TPRG1: variants seen among roughly 807,000 people sequenced by gnomAD.
The protein encoded by TPRG1 is tumor protein p63 regulated 1, also known as tumor protein p63-regulated gene 1 protein.
TPRG1 carries 29 observed loss-of-function variants against 29.3 expected under a neutral mutation model. The ratio of observed to expected loss-of-function variants is 0.99; its 90% confidence interval spans 0.74 to 1.35. TPRG1 has a LOEUF of 1.35. TPRG1 is among the 40% of genes most tolerant of loss of function. The probability of loss-of-function intolerance (pLI) is 0.00; values close to 1 mark genes in which losing one functional copy is unlikely to be tolerated. For missense variants in TPRG1, 327 were observed against 335.0 expected, an observed-to-expected ratio of 0.98 and a Z score of 0.19; for synonymous variants, 130 against 116.8, an observed-to-expected ratio of 1.11 and a Z score of -0.73.
At chr3:189,302,998 A>C (rs1721074029) in intron 4 of TPRG1, among the ~76,000 whole-genome samples, 1 of 152,222 alleles carries the variant, frequency 6.6e-6, no homozygotes, top group African/African-American at 2.4e-5. Context: ...CTTAGCAGTC[A>C]AGAATCTTTT....
chr3:189,316,668 A>G (rs1723584659), intron 5 of TPRG1, among the ~76,000 whole-genome samples: 1 of 152,178 alleles, frequency 6.6e-6, no homozygotes, highest in Non-Finnish European at 1.5e-5. Flanking sequence ...CCCTGTCCCC[A>G]CCACGCACAC....
chr3:189,097,780 G>A (rs1718780106), upstream of TPRG1, among the ~76,000 whole-genome samples: 1 of 152,142 alleles, frequency 6.6e-6, no homozygotes, highest in Non-Finnish European at 1.5e-5. Context: ...AGGAAAAGTG[G>A]CAAATAATAG....
chr3:189,118,580 T>C (rs746772179), intron 1 of TPRG1, among the ~76,000 whole-genome samples: 7 of 152,096 alleles, frequency 4.6e-5, no homozygotes, highest in Non-Finnish European at 8.8e-5. Flanking sequence ...TTGTGTAGCC[T>C]GGGCCCAGGG....
chr3:189,042,106 TC>T (rs1714669536), intron 4 of TPRG1, among the ~76,000 whole-genome samples: 1 of 152,050 alleles, frequency 6.6e-6, no homozygotes, highest in East Asian at 1.9e-4. Flanking sequence ...TAAGGTTAGG[TC>T]CTTAAGAAGC....
chr3:189,012,792 A>G (rs561859301), intron 3 of TPRG1, among the ~76,000 whole-genome samples: 1 of 152,258 alleles, frequency 6.6e-6, no homozygotes, highest in East Asian at 1.9e-4. Context: ...AGGGATGTTT[A>G]TAATATCCTC....
chr3:189,320,613 T>G lies in TPRG1; in HGVS notation c.634-13T>G. 1 of 1,587,732 alleles carries G rather than the reference T, an allele frequency of 6.3e-7. No homozygotes were observed. The highest frequency in any genetic ancestry group is 8.5e-7 in the Non-Finnish European group (1 of 1,169,658). ...CAGTAACTAACTTTGTGCCTTCTTT[T>G]TTTCTTCTTCAGTTGTCTGGGTTCA... On this transcript the variant is annotated splice_polypyrimidine_tract_variant and intron_variant, in intron 5 of 5. Coordinates refer to ENST00000345063, the MANE Select transcript of TPRG1 (RefSeq NM_198485.4).
intron 3 of TPRG1, among the ~76,000 whole-genome samples, chr3:189,230,587 G>T (rs376710638): frequency 6.6e-6 from 1 of 152,038 alleles, no homozygotes; most frequent in East Asian, 1.9e-4. Flanking sequence ...ACAGCATTTC[G>T]CTTTACCTAG....
At chr3:189,119,719 A>G (rs1267788958) in intron 1 of TPRG1, among the ~76,000 whole-genome samples, 1 of 152,226 alleles carries the variant, frequency 6.6e-6, no homozygotes, top group Non-Finnish European at 1.5e-5. Context: ...CCATGTGAAG[A>G]AGGACATGTT....
chr3:189,281,656 T>C (rs145041999), intron 4 of TPRG1, among the ~76,000 whole-genome samples: 34 of 152,238 alleles, frequency 2.2e-4, no homozygotes, highest in Admixed American at 7.2e-4. Context: ...ATTTTTTTCA[T>C]CTTTCTTAAT....
At chr3:189,005,347 GA>G (rs1230577505) in intron 3 of TPRG1, among the ~76,000 whole-genome samples, 1 of 152,100 alleles carries the variant, frequency 6.6e-6, no homozygotes, top group Non-Finnish European at 1.5e-5. Flanking sequence ...TTTTCTAGTG[GA>G]ACAGATGAGA....
At chr3:189,175,976 T>A (rs1649901815) in intron 1 of TPRG1, among the ~76,000 whole-genome samples, 1 of 152,200 alleles carries the variant, frequency 6.6e-6, no homozygotes, top group South Asian at 2.1e-4. Flanking sequence ...ATTCTTGATA[T>A]CCTGACCCTG....
chr3:189,088,241 G>A lies in TPRG1; in HGVS notation c.-462-38816G>A, dbSNP rs112663559. The stretch of plus-strand genomic sequence containing the variant: ...CACATCCCTTGTAAGTTGGATTCCT[G>A]GGTATTTTATTCTCTTTGAAGCAAT... On this transcript the variant is annotated intron_variant, in intron 4 of 10. Coordinates refer to the TPRG1 transcript ENST00000433971. Among the ~76,000 whole-genome samples the A allele has an allele frequency of 4.6e-5, 7 of 151,964 alleles. No homozygotes were observed. The South Asian group carries it at 8.3e-4, about 18-fold the overall frequency.
At position 189,101,115 on chromosome 3, in the gene TPRG1, A is replaced by C. The variant is rs532584978; in HGVS notation, c.-744+911A>C. Among the ~76,000 whole-genome samples, 12 of 152,028 alleles carry C rather than the reference A, an allele frequency of 7.9e-5. No individual in the cohort carries two copies. In the South Asian group the frequency reaches 2.3e-3, roughly 29 times the overall value. ...ATACCTGCATCCATGTCCTGCTTTG[A>C]TTTCTCTTCGCTTTCCCTCCTGTGT... On this transcript the variant is annotated intron_variant, in intron 1 of 6. Transcript: ENST00000412373.
chr3:189,062,737 C>T (rs1716199752), intron 4 of TPRG1, among the ~76,000 whole-genome samples: 1 of 151,900 alleles, frequency 6.6e-6, no homozygotes, highest in African/African-American at 2.4e-5. Context: ...TATCCCCACC[C>T]CACAAAAAAC....
chr3:189,282,215 CAAAAA>C (rs577174841), intron 4 of TPRG1, among the ~76,000 whole-genome samples: 35 of 94,714 alleles, frequency 3.7e-4, no homozygotes, highest in African/African-American at 1.5e-3. Context: ...TAGTCCTTTC[CAAAAA>C]AAAAAAAAAA....
At chr3:189,251,738 A>G (rs998016226) in intron 4 of TPRG1, among the ~76,000 whole-genome samples, 1 of 152,224 alleles carries the variant, frequency 6.6e-6, no homozygotes, top group Non-Finnish European at 1.5e-5. Context: ...TGTTGCCCGC[A>G]TGTCCCACCT....
intron 4 of TPRG1, among the ~76,000 whole-genome samples, chr3:189,241,733 T>A (rs996442837): frequency 6.6e-6 from 1 of 152,106 alleles, no homozygotes; most frequent in Non-Finnish European, 1.5e-5. Context: ...GTGCTATTCT[T>A]GTGATAATGA....
At chr3:189,211,572 A>T (rs1004749661) in intron 2 of TPRG1, 5 of 152,156 alleles carry the variant, frequency 3.3e-5, no homozygotes, top group African/African-American at 1.2e-4. Context: ...CTGGGATGTT[A>T]CTTCCTTTCC....
rs180970607 is a variant in TPRG1, at chr3:189,186,705, G to A, written c.-10+14574G>A. On this transcript the variant is annotated intron_variant, in intron 1 of 5. Coordinates refer to ENST00000345063, the MANE Select transcript of TPRG1 (RefSeq NM_198485.4). Reference sequence around the variant, plus strand: ...GTAGATTCCTAGACCAGCATAATTAGAGAGAAAATTGAGATGGGGGCAAGT... The same window carrying A: ...GTAGATTCCTAGACCAGCATAATTAAAGAGAAAATTGAGATGGGGGCAAGT... Among the ~76,000 whole-genome samples the A allele has an allele frequency of 1.6e-3, 246 of 151,658 alleles. 1 individual carries two copies. The highest frequency in any genetic ancestry group is 5.6e-3 in the African/African-American group (231 of 41,340).
Sources: allele counts gnomAD v4.1 joint callset (sites outside exome capture counted in the v4.1 genomes callset), GRCh38; gene constraint gnomAD v4.1.1; transcripts MANE v1.5; gene names NCBI Gene and HGNC (gene_info 2026-07-23, HGNC 2026-07-21).